The following FHL2 variants were observed in gnomAD, a reference collection of about 807,000 sequenced individuals.
FHL2 encodes the protein four and a half LIM domains protein 2.
FHL2 carries 20 observed loss-of-function variants against 32.7 expected under a neutral mutation model. The ratio of observed to expected loss-of-function variants is 0.61; its 90% CI spans 0.43 to 0.89. The LOEUF (loss-of-function observed/expected upper bound fraction) is 0.89, where lower values mean the gene tolerates loss of function less well. Among genes scored for constraint, FHL2 ranks in the 40% least tolerant of loss-of-function variants. The pLI is 0.00. For missense variants in FHL2, 311 were observed against 358.6 expected (o/e 0.87, Z 1.07); for synonymous variants, 123 against 128.1 (o/e 0.96, Z 0.27).
chr2:105,430,566 G>C (rs181661582), intron 1 of FHL2, among the ~76,000 whole-genome samples: 1 of 152,298 alleles, frequency 6.6e-6, no homozygotes, highest in East Asian at 1.9e-4. Context: ...TACTCTGGAG[G>C]CTAAGCCATG....
At chr2:105,399,838 G>A (rs9789508), upstream of FHL2, among the ~76,000 whole-genome samples, 34,006 of 152,144 alleles carry the variant, frequency 0.22, 4,389 homozygotes, top group East Asian at 0.44. Context: ...CAGGTAACCG[G>A]TCCACTTGCA....
intron 4 of FHL2, among the ~76,000 whole-genome samples, chr2:105,369,344 T>A (rs1680861045): frequency 1.3e-5 from 2 of 152,336 alleles, no homozygotes; most frequent in South Asian, 2.1e-4. Flanking sequence ...AGGGGTTGTA[T>A]TTTAGCTGGC....
intron 1 of FHL2, among the ~76,000 whole-genome samples, chr2:105,421,421 T>C (rs911902021): frequency 2.6e-5 from 4 of 152,154 alleles, no homozygotes; most frequent in African/African-American, 7.2e-5. Flanking sequence ...ATGCCTGAAG[T>C]TAAGACCATA....
upstream of FHL2, among the ~76,000 whole-genome samples, chr2:105,399,932 C>A (rs1346173061): frequency 6.6e-6 from 1 of 152,174 alleles, no homozygotes; most frequent in Non-Finnish European, 1.5e-5. Flanking sequence ...ACATTCGGGG[C>A]AGCTCATAGG....
intron 4 of FHL2, among the ~76,000 whole-genome samples, chr2:105,368,558 CTT>C (rs961347245): frequency 5.3e-5 from 8 of 152,148 alleles, no homozygotes; most frequent in Non-Finnish European, 1.2e-4. Context: ...CATCCATTGT[CTT>C]TTGAATAACT....
intron 2 of FHL2, among the ~76,000 whole-genome samples, chr2:105,393,869 G>T (rs1243538563): frequency 1.3e-5 from 2 of 152,150 alleles, no homozygotes; most frequent in East Asian, 1.9e-4. Context: ...TCTTCTTATT[G>T]TGTTTGGACT....
At chr2:105,396,429 A>G (rs1187672416) in intron 2 of FHL2, among the ~76,000 whole-genome samples, 1 of 152,170 alleles carries the variant, frequency 6.6e-6, no homozygotes, top group Non-Finnish European at 1.5e-5. Context: ...CTGTTTGGAC[A>G]AGGCCCACTC....
upstream of FHL2, chr2:105,399,458 A>G (rs1683380355): frequency 1.3e-6 from 2 of 1,536,182 alleles, no homozygotes; most frequent in Non-Finnish European, 1.7e-6. Flanking sequence ...CTCAGGAGGC[A>G]TGTGCCTGGG....
chr2:105,394,775 T>G (rs987767710), intron 2 of FHL2, among the ~76,000 whole-genome samples: 1 of 152,206 alleles, frequency 6.6e-6, no homozygotes, highest in East Asian at 1.9e-4. Flanking sequence ...CTTTACTAAA[T>G]GCATGTACAG....
At position 105,373,609 on chromosome 2, in the gene FHL2, G is replaced by A. The variant is rs201826187; in HGVS notation, c.281C>T (p.Ser94Phe). 84 of 1,614,092 alleles carry A rather than the reference G, an allele frequency of 5.2e-5. No homozygotes were observed. The highest frequency in any genetic ancestry group is 6.5e-5 in the Non-Finnish European group (77 of 1,180,046). ...CTGGCACTTGGATGAGTACTCGTTG[G>A]AATAGCAGTCTGTACAGAGCAGCTG... ...EDQLLCTDCY[S>F]NEYSSKCQEC... Residue 94 changes from serine (S) to phenylalanine (F), a missense_variant, in exon 4 of 7, where the codon TCC (serine) becomes TTC (phenylalanine). Physicochemically the swap from Ser to Phe is radical, Grantham distance 155. Transcript: ENST00000530340.
intron 1 of FHL2, among the ~76,000 whole-genome samples, chr2:105,433,806 G>A (rs1376705121): frequency 6.6e-6 from 1 of 152,106 alleles, no homozygotes; most frequent in Admixed American, 6.5e-5. Flanking sequence ...ATCCAAATCA[G>A]TCCTATTCCA....
chr2:105,382,394 C>T (rs1681960380), intron 3 of FHL2, among the ~76,000 whole-genome samples: 2 of 152,202 alleles, frequency 1.3e-5, no homozygotes, highest in South Asian at 2.1e-4. Context: ...CAGGTGGCAT[C>T]ACATGCTAGG....
chr2:105,414,725 A>C (rs1683886499), intron 1 of FHL2, among the ~76,000 whole-genome samples: 1 of 151,974 alleles, frequency 6.6e-6, no homozygotes, highest in African/African-American at 2.4e-5. Flanking sequence ...GCTAATTTTT[A>C]TATTTTTAGT....
At chr2:105,411,978 T>C (rs1683806598) in intron 1 of FHL2, among the ~76,000 whole-genome samples, 4 of 152,042 alleles carry the variant, frequency 2.6e-5, no homozygotes, top group African/African-American at 7.2e-5. Flanking sequence ...TTCTAAGGGT[T>C]AAAGTCCAGT....
At position 105,399,018 on chromosome 2, in the gene FHL2, C is replaced by A. The variant is rs914887435; in HGVS notation, c.-252G>T. The A allele has an allele frequency of 3.3e-6, 5 of 1,494,328 alleles. No homozygotes were observed. Among genetic ancestry groups the A allele is most frequent in the Non-Finnish European group, 4.4e-6 (5 of 1,125,352 alleles). The allele number at this position is 1,494,328 out of a possible 1,614,324, so 92.6% of individuals were successfully genotyped here. A position where few individuals can be genotyped will look rare whatever the true frequency, so the allele number is the denominator to read the frequency against. On this transcript the variant is annotated 5_prime_UTR_variant, in exon 1 of 7. Coordinates refer to ENST00000530340, the MANE Select transcript of FHL2 (RefSeq NM_001318895.3). ...CCCGGACGGGGCTGGAGGGCGCGGGCGGCTGGTGGCTGCGGCTCCGCTGCC... is the reference window on the plus strand; with the variant it reads ...CCCGGACGGGGCTGGAGGGCGCGGGAGGCTGGTGGCTGCGGCTCCGCTGCC...
chr2:105,413,283 G>A (rs550659066), intron 1 of FHL2, among the ~76,000 whole-genome samples: 1 of 152,096 alleles, frequency 6.6e-6, no homozygotes, highest in South Asian at 2.1e-4. Context: ...TGACAAAAAG[G>A]GACTGAAAAA....
At chr2:105,372,862 C>A (rs1681188671) in intron 4 of FHL2, among the ~76,000 whole-genome samples, 1 of 152,156 alleles carries the variant, frequency 6.6e-6, no homozygotes, top group Non-Finnish European at 1.5e-5. Context: ...CAGCTTCTTT[C>A]TGTATTTTGA....
At chr2:105,409,931 C>T (rs745843892) in intron 1 of FHL2, among the ~76,000 whole-genome samples, 4 of 152,206 alleles carry the variant, frequency 2.6e-5, no homozygotes, top group Non-Finnish European at 5.9e-5. Context: ...AGGGCCAGTG[C>T]CAAGTACGCT....
intron 1 of FHL2, among the ~76,000 whole-genome samples, chr2:105,415,461 C>G (rs1435923154): frequency 6.6e-6 from 1 of 152,212 alleles, no homozygotes; most frequent in African/African-American, 2.4e-5. Context: ...CATTGATTAC[C>G]TGTTAATAAC....
Sources: allele counts gnomAD v4.1 joint callset (sites outside exome capture counted in the v4.1 genomes callset), GRCh38; gene constraint gnomAD v4.1.1; transcripts MANE v1.5; gene names NCBI Gene and HGNC (gene_info 2026-07-23, HGNC 2026-07-21).